The following RNF150 variants were observed in gnomAD, a reference collection of about 807,000 sequenced individuals.
The protein encoded by RNF150 is ring finger protein 150.
RNF150 carries 24 observed loss-of-function variants against 39.3 expected under a neutral mutation model. The ratio of observed to expected loss-of-function variants is 0.61; its 90% CI spans 0.44 to 0.86. The LOEUF (loss-of-function observed/expected upper bound fraction) is 0.86. RNF150 is among the 40% of genes least tolerant of loss of function. The pLI is 0.00. For synonymous variants in RNF150, 255 were observed against 227.3 expected, an observed-to-expected ratio of 1.12 and a Z score of -1.10; for missense variants, 502 against 587.8, an observed-to-expected ratio of 0.85 and a Z score of 1.51.
chr4:141,198,579 A>G (rs1050503411), intron 1 of RNF150, among the ~76,000 whole-genome samples: 5 of 152,248 alleles, frequency 3.3e-5, no homozygotes, highest in Admixed American at 6.5e-5. Context: ...TGATGACAAG[A>G]GCGAAAAATG....
At chr4:141,029,547 C>G (rs1015570946) in intron 1 of RNF150, among the ~76,000 whole-genome samples, 8 of 152,056 alleles carry the variant, frequency 5.3e-5, no homozygotes, top group African/African-American at 1.9e-4. Flanking sequence ...AAAGCATTGC[C>G]CTTACTATTG....
chr4:140,928,282 G>A (rs72935359), intron 4 of RNF150, among the ~76,000 whole-genome samples: 2,455 of 152,216 alleles, frequency 0.016, 81 homozygotes, highest in African/African-American at 0.056. Context: ...ATAACTGGGA[G>A]ATTTATCCTA....
chr4:141,206,146 G>C (rs116568925), intron 1 of RNF150, among the ~76,000 whole-genome samples: 143 of 152,076 alleles, frequency 9.4e-4, no homozygotes, highest in Non-Finnish European at 1.7e-3. Context: ...CTGGCCGGGC[G>C]TGGTGGCTCA....
chr4:141,176,740 A>G (rs1204031150), intron 1 of RNF150, among the ~76,000 whole-genome samples: 3 of 152,220 alleles, frequency 2.0e-5, no homozygotes, highest in Non-Finnish European at 4.4e-5. Context: ...TCCATTGAAC[A>G]TGCTCATTTC....
chr4:141,103,334 C>T (rs765443641), intron 1 of RNF150, among the ~76,000 whole-genome samples: 1 of 152,090 alleles, frequency 6.6e-6, no homozygotes, highest in African/African-American at 2.4e-5. Flanking sequence ...ACCCAAGAGC[C>T]CTTCCTTTTA....
intron 2 of RNF150, among the ~76,000 whole-genome samples, chr4:140,950,356 A>G: frequency 6.6e-6 from 1 of 152,226 alleles, no homozygotes; most frequent in East Asian, 1.9e-4. Context: ...TAGTGAACAC[A>G]TATTAGTGAA....
chr4:141,051,031 T>C (rs1464504365), intron 1 of RNF150, among the ~76,000 whole-genome samples: 3 of 152,182 alleles, frequency 2.0e-5, no homozygotes. Flanking sequence ...TAGGTGGAAG[T>C]TGCCAAATCC....
intron 1 of RNF150, among the ~76,000 whole-genome samples, chr4:141,016,796 TC>T (rs747829919): frequency 6.6e-6 from 1 of 152,062 alleles, no homozygotes; most frequent in Non-Finnish European, 1.5e-5. Context: ...TCTCTAACTG[TC>T]CCCCTAAATC....
intron 1 of RNF150, among the ~76,000 whole-genome samples, chr4:140,969,998 A>C (rs1029639191): frequency 2.0e-5 from 3 of 152,226 alleles, no homozygotes; most frequent in South Asian, 4.1e-4. Context: ...TCCTGACCTC[A>C]ACTGATCCAC....
intron 6 of RNF150, among the ~76,000 whole-genome samples, chr4:140,902,307 T>C (rs1310582289): frequency 6.6e-6 from 1 of 152,176 alleles, no homozygotes; most frequent in Non-Finnish European, 1.5e-5. Flanking sequence ...GCCTGAGCAC[T>C]GGGAAGTAAT....
intron 1 of RNF150, among the ~76,000 whole-genome samples, chr4:141,060,635 C>G (rs1737181050): frequency 6.6e-6 from 1 of 151,970 alleles, no homozygotes; most frequent in Non-Finnish European, 1.5e-5. Flanking sequence ...GTATTATCTA[C>G]CAATGTGAAT....
chr4:141,067,904 A>T (rs1391105719), intron 1 of RNF150, among the ~76,000 whole-genome samples: 1 of 152,166 alleles, frequency 6.6e-6, no homozygotes, highest in Non-Finnish European at 1.5e-5. Context: ...ATTGAAAACA[A>T]ATCATGTATA....
intron 1 of RNF150, among the ~76,000 whole-genome samples, chr4:141,027,937 T>TG (rs1246025719): frequency 1.2e-3 from 159 of 130,058 alleles, no homozygotes; most frequent in African/African-American, 4.3e-3. Context: ...TTTTTTTTTT[T>TG]TTTTTTTTTT....
chr4:141,193,501 T>G (rs1728149795), intron 1 of RNF150, among the ~76,000 whole-genome samples: 1 of 152,238 alleles, frequency 6.6e-6, no homozygotes. Flanking sequence ...TGTGGAGCAC[T>G]TATTATGTAC....
chr4:140,947,852 C>T (rs1417944455), intron 3 of RNF150, 116 bp from the exon 4 acceptor site: 1 of 612,170 alleles, frequency 1.6e-6, no homozygotes, highest in Non-Finnish European at 2.8e-6. Flanking sequence ...TGTGCTGGTG[C>T]CAGTTTTTAA....
chr4:141,147,349 G>C (rs1389282906), intron 1 of RNF150, among the ~76,000 whole-genome samples: 3 of 152,190 alleles, frequency 2.0e-5, no homozygotes, highest in African/African-American at 7.2e-5. Context: ...TCCATCCCTA[G>C]AGCTTCAAAG....
At chr4:141,077,399 G>A (rs1483721204) in intron 1 of RNF150, among the ~76,000 whole-genome samples, 1 of 152,188 alleles carries the variant, frequency 6.6e-6, no homozygotes, top group African/African-American at 2.4e-5. Context: ...GGCTACATAT[G>A]TGACTGCAAA....
At chr4:141,112,743 T>C (rs963328167) in intron 1 of RNF150, among the ~76,000 whole-genome samples, 2 of 152,272 alleles carry the variant, frequency 1.3e-5, no homozygotes, top group Non-Finnish European at 2.9e-5. Flanking sequence ...TGGTGTTCTC[T>C]GTATTTCCCG....
chr4:141,106,196 C>T (rs1739190330), intron 1 of RNF150, among the ~76,000 whole-genome samples: 1 of 152,220 alleles, frequency 6.6e-6, no homozygotes, highest in Non-Finnish European at 1.5e-5. Flanking sequence ...TCCTACAGTA[C>T]TTTGTTCACA....
Sources: allele counts gnomAD v4.1 joint callset (sites outside exome capture counted in the v4.1 genomes callset), GRCh38; gene constraint gnomAD v4.1.1; transcripts MANE v1.5; gene names NCBI Gene and HGNC (gene_info 2026-07-23, HGNC 2026-07-21).